Variants in CDKL1 observed in about 807,000 individuals in gnomAD.
The protein encoded by CDKL1 is cyclin-dependent kinase-like 1.
A neutral mutation model predicts 42.0 loss-of-function variants in CDKL1; 41 were observed. The observed-to-expected ratio is 0.98, with a 90% CI of 0.76 to 1.27. CDKL1 has a LOEUF of 1.27. Ranked by LOEUF, CDKL1 falls within the 50% of genes most tolerant of loss-of-function variation. CDKL1 has a pLI of 0.00. For synonymous variants in CDKL1, 153 were observed against 158.6 expected, an observed-to-expected ratio of 0.96 and a Z score of 0.26; for missense variants, 394 against 428.4, an observed-to-expected ratio of 0.92 and a Z score of 0.71.
rs2034492711 is a variant in CDKL1, at chr14:50,368,441, T to A, written c.169-9292A>T. On this transcript the variant is annotated intron_variant, in intron 2 of 9. Coordinates refer to ENST00000395834, the MANE Select transcript of CDKL1 (RefSeq NM_004196.7). ...AAGCTAGTTTTTTTATTTTTAAAAT[T>A]TTTTTAGAGACAGTGTCTCACTATG... Among the ~76,000 whole-genome samples the A allele has an allele frequency of 3.3e-5, 5 of 151,958 alleles. 1 individual carries two copies. The highest frequency in any genetic ancestry group is 3.3e-4 in the Admixed American group (5 of 15,256).
intron 3 of CDKL1, among the ~76,000 whole-genome samples, chr14:50,348,954 AG>A (rs780013596): frequency 7.9e-4 from 121 of 152,324 alleles, no homozygotes; most frequent in Non-Finnish European, 1.5e-3. Context: ...CCAATAATAG[AG>A]GGTACAGAAA....
At chr14:50,363,641 T>C (rs1451176478) in intron 2 of CDKL1, among the ~76,000 whole-genome samples, 1 of 152,168 alleles carries the variant, frequency 6.6e-6, no homozygotes, top group African/African-American at 2.4e-5. Context: ...TTTTCCACAT[T>C]CCATATTTAG....
At chr14:50,336,088 C>G (rs1468952997) in intron 7 of CDKL1, 2 of 1,366,278 alleles carry the variant, frequency 1.5e-6, no homozygotes, top group Non-Finnish European at 9.8e-7. Context: ...TCATCGAGCT[C>G]TGCTGTCTCA....
intron 3 of CDKL1, among the ~76,000 whole-genome samples, chr14:50,352,061 A>G (rs775586801): frequency 5.9e-5 from 9 of 152,206 alleles, no homozygotes; most frequent in Non-Finnish European, 1.2e-4. Flanking sequence ...ACATTACATT[A>G]TACTGCTGGA....
At position 50,396,337 on chromosome 14, in the gene CDKL1, A is replaced by T. The variant is rs921938470; in HGVS notation, c.-461-8T>A. 9.1e-6 allele frequency: 9 copies of T among 990,358 alleles called. No individual in the cohort carries two copies. Among genetic ancestry groups the T allele is most frequent in the African/African-American group, 1.7e-5 (1 of 57,284 alleles). The allele number at this position is 990,358 out of a possible 1,614,324, so 61.3% of individuals were successfully genotyped here. A position where few individuals can be genotyped will look rare whatever the true frequency, so the allele number is the denominator to read the frequency against. On this transcript the variant is annotated splice_polypyrimidine_tract_variant and splice_region_variant and intron_variant, in intron 1 of 9. Transcript: ENST00000395834. Reference sequence around the variant, plus strand: ...TGAGTGTTTGTCACGGTCCTAGAACAGAACAGCACATGTTAAGGAATGAAG... The same window carrying T: ...TGAGTGTTTGTCACGGTCCTAGAACTGAACAGCACATGTTAAGGAATGAAG...
chr14:50,382,798 G>T (rs957135161), intron 2 of CDKL1, among the ~76,000 whole-genome samples: 2 of 152,134 alleles, frequency 1.3e-5, no homozygotes, highest in African/African-American at 4.8e-5. Context: ...TTCACTTGTT[G>T]CCCAGGCTGG....
chr14:50,364,656 G>C (rs1404479207), intron 2 of CDKL1, among the ~76,000 whole-genome samples: 1 of 152,174 alleles, frequency 6.6e-6, no homozygotes, highest in Non-Finnish European at 1.5e-5. Context: ...GTAGGCCTCA[G>C]TTTTCCATCT....
chr14:50,349,842 C>T (rs994912047), intron 3 of CDKL1, among the ~76,000 whole-genome samples: 2 of 152,148 alleles, frequency 1.3e-5, no homozygotes, highest in Non-Finnish European at 2.9e-5. Context: ...TATCTTGGCT[C>T]ACTGCAACTT....
intron 4 of CDKL1, among the ~76,000 whole-genome samples, chr14:50,344,025 A>C (rs1404211826): frequency 6.6e-6 from 1 of 152,252 alleles, no homozygotes; most frequent in East Asian, 1.9e-4. Flanking sequence ...AAGATAAAAC[A>C]TTGCAGTGAA....
chr14:50,392,463 A>G (rs1749772874), intron 2 of CDKL1, among the ~76,000 whole-genome samples: 1 of 143,472 alleles, frequency 7.0e-6, no homozygotes, highest in African/African-American at 2.6e-5. Context: ...AATAATAATA[A>G]TAATAATAAT....
intron 3 of CDKL1, among the ~76,000 whole-genome samples, chr14:50,352,153 T>C (rs924763419): frequency 1.3e-5 from 2 of 152,190 alleles, no homozygotes; most frequent in Non-Finnish European, 2.9e-5. Flanking sequence ...TTTCTAGAAA[T>C]GTCTGTCTGG....
In CDKL1 at chr14:50,341,470, G is replaced by T. The variant is rs113252015; in HGVS notation, c.455-238C>A. 8.2e-4 allele frequency among the ~76,000 whole-genome samples: 110 copies of T among 133,820 alleles called. 3 individuals carry two copies. Among genetic ancestry groups the T allele is most frequent in the East Asian group, 3.0e-3 (14 of 4,662 alleles). 87.8% of individuals were successfully genotyped at this position (133,820 alleles called of 152,430 possible). On this transcript the variant is annotated intron_variant, in intron 5 of 9. Transcript: ENST00000395834. ...TGGGGAGGGTCTGGGGGGGGGGGGG[G>T]GGTTATTTGGCTTAGAATTTAAAGT... is the stretch of plus-strand genomic sequence containing the variant.
intron 4 of CDKL1, chr14:50,342,783 G>T: frequency 1.1e-6 from 1 of 900,174 alleles, no homozygotes; most frequent in South Asian, 1.8e-5. Flanking sequence ...AACAGGACAA[G>T]CCCTGGGCCT....
chr14:50,345,678 C>T lies in CDKL1; in HGVS notation c.291-620G>A, dbSNP rs1005625114. ...TCTTGATGCAGTCTCTCTTGCTCCCCCATCGTAAATTGTTATTAAATGTTA... is the reference window on the plus strand; with the variant it reads ...TCTTGATGCAGTCTCTCTTGCTCCCTCATCGTAAATTGTTATTAAATGTTA... On this transcript the variant is annotated intron_variant, in intron 3 of 9. Coordinates refer to ENST00000395834, the MANE Select transcript of CDKL1 (RefSeq NM_004196.7). Among the ~76,000 whole-genome samples, 20 of 152,316 alleles carry T rather than the reference C, an allele frequency of 1.3e-4. No homozygotes were observed. The South Asian group carries it at 4.2e-3, about 32-fold the overall frequency.
At chr14:50,358,139 C>T (rs776345669) in intron 3 of CDKL1, 68 of 1,340,388 alleles carry the variant, frequency 5.1e-5, no homozygotes, top group Non-Finnish European at 6.3e-5. Context: ...AAAGATGTTG[C>T]ATATGCTAGA....
At chr14:50,386,755 T>A (rs1230596644) in intron 2 of CDKL1, among the ~76,000 whole-genome samples, 1 of 151,758 alleles carries the variant, frequency 6.6e-6, no homozygotes, top group Non-Finnish European at 1.5e-5. Context: ...AGAAACCCCA[T>A]CTCTACAAAG....
intron 2 of CDKL1, among the ~76,000 whole-genome samples, chr14:50,382,065 ATAAAGAAAGT>A (rs1303551160): frequency 1.2e-4 from 18 of 152,268 alleles, no homozygotes; most frequent in Admixed American, 5.2e-4. Flanking sequence ...TTAATAAGCA[ATAAAGAAAGT>A]TAATAATTAG....
intron 2 of CDKL1, among the ~76,000 whole-genome samples, chr14:50,379,911 A>G (rs560719733): frequency 1.3e-5 from 2 of 152,314 alleles, no homozygotes; most frequent in East Asian, 3.9e-4. Flanking sequence ...AAATACTCAG[A>G]CCTTTCAAGG....
intron 2 of CDKL1, among the ~76,000 whole-genome samples, chr14:50,371,960 C>T (rs1174168719): frequency 2.0e-5 from 3 of 152,246 alleles, no homozygotes; most frequent in Non-Finnish European, 1.5e-5. Flanking sequence ...CATGCTGACA[C>T]GCCAGCCCCC....
Sources: allele counts gnomAD v4.1 joint callset (sites outside exome capture counted in the v4.1 genomes callset), GRCh38; gene constraint gnomAD v4.1.1; transcripts MANE v1.5; gene names NCBI Gene and HGNC (gene_info 2026-07-23, HGNC 2026-07-21).